TBXAS1: variants seen among roughly 807,000 people sequenced by gnomAD.
TBXAS1 encodes the protein thromboxane A synthase 1, also known as thromboxane-A synthase.
Under a neutral mutation model 60.7 loss-of-function variants are expected in TBXAS1, and 48 were observed. The observed-to-expected ratio is 0.79, with a 90% CI of 0.63 to 1.01. The LOEUF (loss-of-function observed/expected upper bound fraction) is 1.01, where lower values mean the gene tolerates loss of function less well. TBXAS1 is among the 50% of genes least tolerant of loss of function. The pLI, the probability that TBXAS1 is intolerant of heterozygous loss-of-function variation, is 0.00. For synonymous variants in TBXAS1, 287 were observed against 269.7 expected, an observed-to-expected ratio of 1.06 and a Z score of -0.63; for missense variants, 685 against 686.3, an observed-to-expected ratio of 1.00 and a Z score of 0.02.
chr7:139,875,765 T>C, intron 3 of TBXAS1, 128 bp downstream of exon 3: 1 of 1,253,754 alleles, frequency 8.0e-7, no homozygotes, highest in Non-Finnish European at 1.1e-6. Context: ...GTTTCTATTT[T>C]TCAAAGGGCC....
intron 3 of TBXAS1, among the ~76,000 whole-genome samples, chr7:139,891,235 T>C (rs1803586112): frequency 6.7e-6 from 1 of 150,108 alleles, no homozygotes; most frequent in East Asian, 1.9e-4. Context: ...CCTATGATTA[T>C]AATATATATA....
At chr7:139,898,606 C>A (rs890967272) in intron 3 of TBXAS1, among the ~76,000 whole-genome samples, 1 of 151,946 alleles carries the variant, frequency 6.6e-6, no homozygotes, top group Non-Finnish European at 1.5e-5. Context: ...CCACTACGCC[C>A]GGCCTGTGCA....
intron 3 of TBXAS1, among the ~76,000 whole-genome samples, chr7:139,883,289 A>T (rs944044608): frequency 6.6e-6 from 1 of 152,242 alleles, no homozygotes; most frequent in Admixed American, 6.5e-5. Context: ...GTGTATTGCT[A>T]CAAAGCTTCC....
intron 3 of TBXAS1, among the ~76,000 whole-genome samples, chr7:139,881,464 C>CA (rs921009101): frequency 2.2e-4 from 34 of 151,392 alleles, no homozygotes; most frequent in African/African-American, 6.8e-4. Context: ...TTCCCCCCCT[C>CA]CAGGAGGGTA....
chr7:139,957,138 T>C (rs575342256), intron 7 of TBXAS1, among the ~76,000 whole-genome samples: 1 of 152,312 alleles, frequency 6.6e-6, no homozygotes, highest in African/African-American at 2.4e-5. Context: ...GCCAGTACCC[T>C]TGTCAGCAGC....
In TBXAS1 at chr7:139,852,103, C is replaced by A. The variant is rs771903587; in HGVS notation, c.90-20132C>A. On this transcript the variant is annotated intron_variant, in intron 1 of 12. Coordinates refer to ENST00000448866, the MANE Select transcript of TBXAS1 (RefSeq NM_001061.7). This position sits in a 1 kb window ranked among gnomAD's most constrained non-coding sequence, Gnocchi z 4.4. ...GCATGGACACCATTCTCCAGCTTGA[C>A]CCTGAACCCAAAGCACCTAGCTGAT... is the stretch of plus-strand genomic sequence containing the variant. Among the ~76,000 whole-genome samples, 8 of 152,232 alleles carry A rather than the reference C, an allele frequency of 5.3e-5. No individual in the cohort carries two copies. The highest frequency in any genetic ancestry group is 8.8e-5 in the Non-Finnish European group (6 of 68,046).
At chr7:139,895,136 T>C (rs1803988042) in intron 3 of TBXAS1, among the ~76,000 whole-genome samples, 1 of 152,008 alleles carries the variant, frequency 6.6e-6, no homozygotes, top group African/African-American at 2.4e-5. Context: ...AAGTAGGTCT[T>C]GAAGAATGAA....
At chr7:139,905,596 T>A (rs1333363120) in intron 3 of TBXAS1, among the ~76,000 whole-genome samples, 1 of 152,222 alleles carries the variant, frequency 6.6e-6, no homozygotes, top group South Asian at 2.1e-4. Context: ...TTGCATCCTT[T>A]CCTGGTTTTG....
intron 3 of TBXAS1, among the ~76,000 whole-genome samples, chr7:139,893,511 C>T (rs1803820697): frequency 6.6e-6 from 1 of 152,198 alleles, no homozygotes; most frequent in African/African-American, 2.4e-5. Context: ...ATGCTGTTTG[C>T]ATCAACAACT....
chr7:139,952,628 C>A, intron 5 of TBXAS1: 1 of 1,537,186 alleles, frequency 6.5e-7, no homozygotes, highest in Non-Finnish European at 8.7e-7. Context: ...TTCCACCCAC[C>A]CGTTTGTCGA....
At position 139,936,202 on chromosome 7, in the gene TBXAS1, G is replaced by C. The variant is rs145491642; in HGVS notation, c.345G>C (p.Leu115Phe). The part of the protein sequence containing the change: ...SNFTNRMASG[L>F]EFKSVADSVL... ...TTACTTCCCAACAGGCGTCGGGTTTGGAGTTCAAGTCGGTAGCCGACAGCG... is the reference window on the plus strand; with the variant it reads ...TTACTTCCCAACAGGCGTCGGGTTTCGAGTTCAAGTCGGTAGCCGACAGCG... Residue 115 changes from leucine (L) to phenylalanine (F), a missense_variant, in exon 5 of 13, where the codon TTG becomes TTC. By Grantham distance (22) the Leu-to-Phe change is conservative. Transcript: ENST00000448866. 4 of 1,614,214 alleles carry C rather than the reference G, an allele frequency of 2.5e-6. No individual in the cohort carries two copies. The highest frequency in any genetic ancestry group is 2.5e-6 in the Non-Finnish European group (3 of 1,180,052).
At chr7:139,834,961 C>T (rs190387864) in intron 1 of TBXAS1, among the ~76,000 whole-genome samples, 1 of 152,178 alleles carries the variant, frequency 6.6e-6, no homozygotes, top group African/African-American at 2.4e-5. Context: ...CTCCCTAACT[C>T]ATTCTATGAA....
intron 4 of TBXAS1, among the ~76,000 whole-genome samples, chr7:139,931,435 A>G (rs1026566086): frequency 2.0e-5 from 3 of 152,110 alleles, no homozygotes; most frequent in African/African-American, 7.2e-5. Flanking sequence ...CAGTCTCGTT[A>G]CTCATTGAAT....
intron 4 of TBXAS1, among the ~76,000 whole-genome samples, chr7:139,807,247 C>A (rs1382438586): frequency 1.3e-5 from 2 of 152,198 alleles, no homozygotes; most frequent in African/African-American, 4.8e-5. Context: ...TGCTCTGCCA[C>A]CCAGGCTGGA....
chr7:139,829,118 A>G, upstream of TBXAS1: 1 of 544,878 alleles, frequency 1.8e-6, no homozygotes, highest in Non-Finnish European at 3.4e-6. Context: ...TCTCTGAGGA[A>G]GTTAATATAA....
chr7:139,828,778 C>T (rs1459697561), upstream of TBXAS1, among the ~76,000 whole-genome samples: 1 of 152,164 alleles, frequency 6.6e-6, no homozygotes, highest in Non-Finnish European at 1.5e-5. Context: ...TGCTTTGCTC[C>T]AACAGCCAGA....
intron 3 of TBXAS1, among the ~76,000 whole-genome samples, chr7:139,782,894 T>C (rs568135210): frequency 1.3e-5 from 2 of 152,344 alleles, no homozygotes; most frequent in South Asian, 4.1e-4. Context: ...CTCCCTTTAT[T>C]TTAATTCTGT....
At chr7:139,935,291 T>A (rs1328741257) in intron 4 of TBXAS1, among the ~76,000 whole-genome samples, 2 of 152,256 alleles carry the variant, frequency 1.3e-5, no homozygotes, top group African/African-American at 4.8e-5. Flanking sequence ...ATGCTTTAAA[T>A]CAGCTCTGGA....
At chr7:139,948,171 T>G (rs1393590744) in intron 5 of TBXAS1, among the ~76,000 whole-genome samples, 1 of 152,180 alleles carries the variant, frequency 6.6e-6, no homozygotes, top group African/African-American at 2.4e-5. Flanking sequence ...GGCCCAGACA[T>G]GTATTTTCTC....
Sources: gnomAD v4.1 joint callset for allele counts (sites outside exome capture counted in the v4.1 genomes callset) on GRCh38, gnomAD v4.1.1 for gene constraint, Gnocchi (gnomAD v3.1) non-coding constraint, MANE v1.5 for transcripts, NCBI Gene and HGNC (gene_info 2026-07-23, HGNC 2026-07-21) for gene names.